The following TTC28 variants were observed in gnomAD, a reference collection of about 807,000 sequenced individuals.
The protein encoded by TTC28 is tetratricopeptide repeat domain 28, also known as tetratricopeptide repeat protein 28.
A neutral mutation model predicts 198.0 loss-of-function variants in TTC28; 61 were observed. The ratio of observed to expected loss-of-function variants is 0.31; its 90% CI spans 0.25 to 0.38. TTC28 has a LOEUF of 0.38. Among genes scored for constraint, TTC28 ranks in the 10% least tolerant of loss-of-function variants. TTC28 has a pLI of 1.00. For missense variants in TTC28, 2,678 were observed against 3,164.0 expected (o/e 0.85, Z 3.69); for synonymous variants, 1,171 against 1,297.8 (o/e 0.90, Z 2.10).
At chr22:28,134,828 T>TAAAC (rs1943160761) in intron 6 of TTC28, among the ~76,000 whole-genome samples, 1 of 152,120 alleles carries the variant, frequency 6.6e-6, no homozygotes, top group African/African-American at 2.4e-5. Context: ...TTCCATCTGG[T>TAAAC]TTTTCTTTAT....
rs147577919 is a variant in TTC28 at position 28,030,708 on chromosome 22, G to T, written c.3933-342C>A. On this transcript the variant is annotated intron_variant, in intron 12 of 22. Coordinates refer to ENST00000397906, the MANE Select transcript of TTC28 (RefSeq NM_001145418.2). The stretch of plus-strand genomic sequence containing the variant: ...CTAGATGAGGTGCTGTCTGTGATGG[G>T]CTGGTCAGGCACTCTTCCCAGCGTA... Among the ~76,000 whole-genome samples, 12 of 152,358 alleles carry T rather than the reference G, an allele frequency of 7.9e-5. No individual in the cohort carries two copies. In the East Asian group the frequency reaches 2.3e-3, roughly 29 times the overall value.
At chr22:28,189,378 T>A (rs893141051) in intron 5 of TTC28, among the ~76,000 whole-genome samples, 1 of 151,986 alleles carries the variant, frequency 6.6e-6, no homozygotes, top group Non-Finnish European at 1.5e-5. Context: ...TAGGATTTTT[T>A]AAAAATCCAA....
At chr22:28,246,713 C>T (rs1401408206) in intron 5 of TTC28, among the ~76,000 whole-genome samples, 1 of 152,098 alleles carries the variant, frequency 6.6e-6, no homozygotes, top group Admixed American at 6.5e-5. Context: ...CCGAAGACCA[C>T]AATCTAGTAA....
chr22:28,390,226 G>A (rs1474247990), intron 2 of TTC28, among the ~76,000 whole-genome samples: 1 of 152,060 alleles, frequency 6.6e-6, no homozygotes, highest in Non-Finnish European at 1.5e-5. Flanking sequence ...TATAATTTCT[G>A]TTCTTTTACA....
chr22:28,562,273 AATGCTTTCAATTTCTCCATTATAG>A (rs1258557664), intron 2 of TTC28, among the ~76,000 whole-genome samples: 2 of 152,234 alleles, frequency 1.3e-5, no homozygotes, highest in Non-Finnish European at 2.9e-5. Flanking sequence ...TAGCCATAGC[AATGCTTTCAATTTCTCCATTATAG>A]ATGCTTTCAA....
At position 28,359,710 on chromosome 22, in the gene TTC28, T is replaced by C. The variant is rs768953753; in HGVS notation, c.382-53067A>G. The stretch of plus-strand genomic sequence containing the variant: ...CTGCCAAATGCCAAGCAGGTGCATG[T>C]TGGTAACAAGAGAAGCTGTGTTTAT... On this transcript the variant is annotated intron_variant, in intron 2 of 22. Coordinates refer to ENST00000397906, the MANE Select transcript of TTC28 (RefSeq NM_001145418.2). 2.6e-5 allele frequency among the ~76,000 whole-genome samples: 4 copies of C among 152,150 alleles called. 1 individual carries two copies. Among genetic ancestry groups the C allele is most frequent in the Non-Finnish European group, 2.9e-5 (2 of 68,030 alleles).
chr22:28,633,156 T>G (rs2051206980), intron 1 of TTC28, among the ~76,000 whole-genome samples: 1 of 151,380 alleles, frequency 6.6e-6, no homozygotes, highest in Non-Finnish European at 1.5e-5. Context: ...GGCGGGTGCC[T>G]ATAATCCCAG....
At position 27,979,310 on chromosome 22, in the gene TTC28, T is replaced by C. The variant is rs1035548888; in HGVS notation, c.*2911A>G. The C allele has an allele frequency of 6.6e-6, 1 of 152,046 alleles. No individual in the cohort carries two copies. The highest frequency in any genetic ancestry group is 1.5e-5 in the Non-Finnish European group (1 of 68,026). 9.4% of individuals were successfully genotyped at this position (152,046 alleles called of 1,614,324 possible). On this transcript the variant is annotated 3_prime_UTR_variant, in exon 23 of 23. Transcript: ENST00000397906. ...GCCTGGCCAACATGGTGAAACCCCA[T>C]CTCTATTAAAAATACAAAAATTAGC...
At chr22:28,654,186 A>G (rs1234948801) in intron 1 of TTC28, among the ~76,000 whole-genome samples, 1 of 152,164 alleles carries the variant, frequency 6.6e-6, no homozygotes, top group East Asian at 1.9e-4. Context: ...GCCCTCAGTT[A>G]CTTGTGAGGG....
intron 2 of TTC28, among the ~76,000 whole-genome samples, chr22:28,590,601 A>C (rs962952091): frequency 2.0e-5 from 3 of 152,168 alleles, no homozygotes; most frequent in Admixed American, 1.3e-4. Context: ...AAAACAAAAC[A>C]AACAAATGTA....
At chr22:28,083,063 G>A (rs1941423883) in intron 12 of TTC28, among the ~76,000 whole-genome samples, 2 of 151,244 alleles carry the variant, frequency 1.3e-5, no homozygotes, top group Non-Finnish European at 2.9e-5. Context: ...AATAATGGAT[G>A]ATGATTCATT....
At chr22:27,996,975 C>T (rs1320293782) in intron 16 of TTC28, among the ~76,000 whole-genome samples, 1 of 152,250 alleles carries the variant, frequency 6.6e-6, no homozygotes, top group Non-Finnish European at 1.5e-5. Flanking sequence ...AAATGCCATG[C>T]CCGTAAGCAC....
At chr22:28,604,550 C>G (rs1180458490) in intron 2 of TTC28, among the ~76,000 whole-genome samples, 2 of 151,596 alleles carry the variant, frequency 1.3e-5, no homozygotes, top group African/African-American at 2.4e-5. Flanking sequence ...TCGAGACCAG[C>G]CTGGCCAACA....
At chr22:28,280,139 T>C (rs1017867588) in intron 5 of TTC28, among the ~76,000 whole-genome samples, 3 of 152,132 alleles carry the variant, frequency 2.0e-5, no homozygotes, top group African/African-American at 7.2e-5. Context: ...GGTTAGTGTA[T>C]GTTTAGATTT....
intron 5 of TTC28, among the ~76,000 whole-genome samples, chr22:28,171,925 A>T (rs1311336244): frequency 6.6e-6 from 1 of 152,080 alleles, no homozygotes; most frequent in Non-Finnish European, 1.5e-5. Context: ...ATGTCAGCAC[A>T]TTGTACAAGG....
At chr22:28,512,613 A>G (rs9625484) in intron 2 of TTC28, among the ~76,000 whole-genome samples, 15,195 of 152,252 alleles carry the variant, frequency 0.1, 863 homozygotes, top group African/African-American at 0.12. Flanking sequence ...GAATAAAATA[A>G]TGTCCTTTGC....
At chr22:28,458,134 G>T (rs1468120930) in intron 2 of TTC28, among the ~76,000 whole-genome samples, 1 of 151,998 alleles carries the variant, frequency 6.6e-6, no homozygotes, top group African/African-American at 2.4e-5. Flanking sequence ...TATAAAATAT[G>T]TTTGCTGTGT....
At chr22:28,604,000 G>A (rs899477219) in intron 2 of TTC28, among the ~76,000 whole-genome samples, 7 of 151,736 alleles carry the variant, frequency 4.6e-5, no homozygotes, top group East Asian at 1.9e-4. Context: ...TTTCTTGGCC[G>A]GGTGTGGTGG....
At chr22:28,197,063 C>T (rs1471347956) in intron 5 of TTC28, among the ~76,000 whole-genome samples, 1 of 152,014 alleles carries the variant, frequency 6.6e-6, no homozygotes, top group Non-Finnish European at 1.5e-5. Flanking sequence ...AAATGTGGCA[C>T]ATATACACCA....
Sources: gnomAD v4.1 joint callset for allele counts (sites outside exome capture counted in the v4.1 genomes callset) on GRCh38, gnomAD v4.1.1 for gene constraint, MANE v1.5 for transcripts, NCBI Gene and HGNC (gene_info 2026-07-23, HGNC 2026-07-21) for gene names.